Variants in SIDT1 observed in about 807,000 individuals in gnomAD.
SIDT1 encodes the protein SID1 transmembrane family, member 1.
SIDT1 carries 101 observed loss-of-function variants against 107.5 expected under a neutral mutation model. The ratio of observed to expected loss-of-function variants is 0.94; its 90% CI spans 0.80 to 1.11. The LOEUF (loss-of-function observed/expected upper bound fraction) is 1.11. Ranked by LOEUF, SIDT1 falls within the 50% of genes least tolerant of loss-of-function variation. The pLI is 0.00. For synonymous variants in SIDT1, 395 were observed against 398.2 expected (o/e 0.99, Z 0.10); for missense variants, 1,076 against 1,058.2 (o/e 1.02, Z -0.23).
At chr3:113,600,468 A>G (rs1279860774) in intron 10 of SIDT1, among the ~76,000 whole-genome samples, 1 of 152,010 alleles carries the variant, frequency 6.6e-6, no homozygotes, top group Non-Finnish European at 1.5e-5. Flanking sequence ...AATATTATCA[A>G]CCTCCTAGGG....
chr3:113,606,876 C>G (rs757526009), intron 14 of SIDT1, 165 bp from the exon 15 acceptor site: 57 of 513,108 alleles, frequency 1.1e-4, no homozygotes, highest in Non-Finnish European at 1.6e-4. Context: ...AGTGCCTGTG[C>G]TGTGTAAGGT....
intron 9 of SIDT1, among the ~76,000 whole-genome samples, chr3:113,585,899 C>T (rs542503244): frequency 1.3e-5 from 2 of 152,260 alleles, no homozygotes; most frequent in South Asian, 2.1e-4. Context: ...CCTCTCTCAG[C>T]GGGGTTGAAC....
intron 1 of SIDT1, among the ~76,000 whole-genome samples, chr3:113,540,193 T>C (rs1001148645): frequency 2.0e-5 from 3 of 151,792 alleles, no homozygotes; most frequent in Non-Finnish European, 4.4e-5. Context: ...AACAACCAAC[T>C]CTCATTGGAA....
intron 1 of SIDT1, among the ~76,000 whole-genome samples, chr3:113,565,615 T>A (rs1348764814): frequency 6.6e-6 from 1 of 152,122 alleles, no homozygotes; most frequent in African/African-American, 2.4e-5. Context: ...AAAATAACCA[T>A]AATAGGGTTA....
intron 17 of SIDT1, 79 bp from the exon 18 acceptor site, chr3:113,610,929 C>T: frequency 6.5e-7 from 1 of 1,533,338 alleles, no homozygotes; most frequent in Non-Finnish European, 8.9e-7. Flanking sequence ...TACTCAGAGT[C>T]TGAAGAAAAA....
chr3:113,543,010 T>G (rs1939116886), intron 1 of SIDT1, among the ~76,000 whole-genome samples: 1 of 151,802 alleles, frequency 6.6e-6, no homozygotes. Context: ...GGCGCGATCT[T>G]GGCTCACTGC....
rs554009768 is a variant in SIDT1, at chr3:113,545,114, T to TAAAAAAAAAAA, written c.222+11888_222+11898dup. 1.5e-3 allele frequency among the ~76,000 whole-genome samples: 111 copies of TAAAAAAAAAAA among 73,968 alleles called. 5 individuals are homozygous for TAAAAAAAAAAA. The highest frequency in any genetic ancestry group is 6.0e-3 in the African/African-American group (103 of 17,202). The allele number at this position is 73,968 out of a possible 152,430, so 48.5% of individuals were successfully genotyped here. A position where few individuals can be genotyped will look rare whatever the true frequency, so the allele number is the denominator to read the frequency against. ...CGGGCGACAGAGCGAGAGACTCTGTTAAAAAAAAAAAAAAAAAAAAAAAAA... is the reference window on the plus strand; with the variant it reads ...CGGGCGACAGAGCGAGAGACTCTGTTAAAAAAAAAAAAAAAAAAAAAAAAAAAAAAAAAAAA... On this transcript the variant is annotated intron_variant, in intron 1 of 24. Coordinates refer to ENST00000264852, the MANE Select transcript of SIDT1 (RefSeq NM_017699.3).
At chr3:113,627,597 G>A (rs1302567062) in intron 24 of SIDT1, 49 bp from the exon 25 acceptor site, 1 of 1,570,236 alleles carries the variant, frequency 6.4e-7, no homozygotes, top group African/African-American at 1.3e-5. Context: ...AGGACTTAGT[G>A]TGACAGTGAC....
chr3:113,565,591 A>G (rs1941826424), intron 1 of SIDT1, among the ~76,000 whole-genome samples: 1 of 152,194 alleles, frequency 6.6e-6, no homozygotes, highest in Admixed American at 6.5e-5. Context: ...AGTTACATTC[A>G]CTTTCCTGTC....
chr3:113,590,254 T>C (rs958286361), intron 9 of SIDT1: 18 of 152,302 alleles, frequency 1.2e-4, no homozygotes, highest in African/African-American at 4.1e-4. Flanking sequence ...AAAAGAGCTA[T>C]GAAGAGAAGT....
At chr3:113,547,882 T>C (rs1190448000) in intron 1 of SIDT1, among the ~76,000 whole-genome samples, 1 of 152,124 alleles carries the variant, frequency 6.6e-6, no homozygotes, top group Non-Finnish European at 1.5e-5. Context: ...TAGTAAAGTA[T>C]GATTAATTTA....
At chr3:113,634,791 G>A in the SIDT1 span, among the ~76,000 whole-genome samples, 20 of 152,050 alleles carry the variant, frequency 1.3e-4, no homozygotes, top group East Asian at 3.9e-4. Context: ...GGGACAGAGC[G>A]AGGCTCCATC....
chr3:113,545,275 A>T (rs757430107), intron 1 of SIDT1, among the ~76,000 whole-genome samples: 1 of 152,102 alleles, frequency 6.6e-6, no homozygotes, highest in Non-Finnish European at 1.5e-5. Flanking sequence ...CCAACTAGTG[A>T]TCTTTAAATT....
intron 1 of SIDT1, among the ~76,000 whole-genome samples, chr3:113,541,368 C>T (rs1408514620): frequency 6.6e-6 from 1 of 152,148 alleles, no homozygotes; most frequent in Admixed American, 6.5e-5. Context: ...AGGGGTCTTA[C>T]CATGTTGCCC....
chr3:113,570,384 T>A (rs1012329650), intron 3 of SIDT1, among the ~76,000 whole-genome samples: 3 of 152,206 alleles, frequency 2.0e-5, no homozygotes, highest in African/African-American at 7.2e-5. Flanking sequence ...ATCAATCAAG[T>A]GTCACCTGGT....
At chr3:113,580,525 C>A in intron 4 of SIDT1, 83 bp from the exon 5 acceptor site, 2 of 798,368 alleles carry the variant, frequency 2.5e-6, no homozygotes, top group Admixed American at 1.8e-5. Flanking sequence ...CGGAGATTTA[C>A]GTATAAATTT....
intron 1 of SIDT1, among the ~76,000 whole-genome samples, chr3:113,559,678 CA>C (rs942466690): frequency 2.6e-5 from 4 of 152,158 alleles, no homozygotes; most frequent in African/African-American, 9.7e-5. Flanking sequence ...CTCCTGAGCT[CA>C]AGGGTTCCAC....
At chr3:113,600,229 G>A (rs1416808503) in intron 10 of SIDT1, among the ~76,000 whole-genome samples, 4 of 152,016 alleles carry the variant, frequency 2.6e-5, no homozygotes, top group African/African-American at 9.7e-5. Flanking sequence ...AGAATCGCTT[G>A]AACCCGGGAG....
At chr3:113,610,119 C>T (rs900653252) in intron 17 of SIDT1, among the ~76,000 whole-genome samples, 2 of 152,144 alleles carry the variant, frequency 1.3e-5, no homozygotes, top group Admixed American at 1.3e-4. Flanking sequence ...TATTATATAA[C>T]AAAAAGTATC....
Sources: allele counts gnomAD v4.1 joint callset (sites outside exome capture counted in the v4.1 genomes callset), GRCh38; gene constraint gnomAD v4.1.1; transcripts MANE v1.5; gene names NCBI Gene and HGNC (gene_info 2026-07-23, HGNC 2026-07-21).